The following MMP16 variants were observed in gnomAD, a reference collection of about 807,000 sequenced individuals.
MMP16 encodes matrix metallopeptidase 16.
In MMP16, 12 loss-of-function variants were observed where a neutral mutation model predicts 67.8. The observed-to-expected ratio is 0.18, with a 90% CI of 0.11 to 0.29. MMP16 has a LOEUF of 0.29. MMP16 is among the 10% of genes least tolerant of loss of function. The pLI, the probability that MMP16 is intolerant of heterozygous loss-of-function variation, is 1.00. For missense variants in MMP16, 475 were observed against 765.7 expected, an observed-to-expected ratio of 0.62 and a Z score of 4.48; for synonymous variants, 249 against 255.9, an observed-to-expected ratio of 0.97 and a Z score of 0.26.
chr8:88,159,027 C>G (rs1365635232), intron 4 of MMP16, among the ~76,000 whole-genome samples: 2 of 152,028 alleles, frequency 1.3e-5, no homozygotes, highest in African/African-American at 4.8e-5. Context: ...TTGTCTATAT[C>G]TCTGTTTTGG....
chr8:88,313,370 G>A (rs188541396), intron 1 of MMP16, among the ~76,000 whole-genome samples: 5 of 152,102 alleles, frequency 3.3e-5, no homozygotes, highest in Admixed American at 3.3e-4. Context: ...TTTCCTTTCT[G>A]TATTTTCAGG....
chr8:88,310,928 T>C (rs1361646532), intron 1 of MMP16, among the ~76,000 whole-genome samples: 1 of 152,124 alleles, frequency 6.6e-6, no homozygotes, highest in East Asian at 1.9e-4. Context: ...TGTGTGTCCA[T>C]GAGTTAAGTT....
intron 4 of MMP16, among the ~76,000 whole-genome samples, chr8:88,166,175 C>A (rs561019571): frequency 5.7e-4 from 87 of 152,192 alleles, no homozygotes; most frequent in African/African-American, 2.0e-3. Flanking sequence ...ACTGAACCCT[C>A]TTATGAACAA....
intron 6 of MMP16, among the ~76,000 whole-genome samples, chr8:88,113,688 C>T (rs1046941594): frequency 5.3e-5 from 8 of 151,976 alleles, no homozygotes; most frequent in African/African-American, 1.9e-4. Flanking sequence ...AAACAGAATT[C>T]CAGGCTCTGT....
intron 3 of MMP16, among the ~76,000 whole-genome samples, chr8:88,168,705 AAAC>A: frequency 1.3e-5 from 2 of 152,216 alleles, no homozygotes; most frequent in Non-Finnish European, 1.5e-5. Context: ...GCTTTTTTCT[AAAC>A]AACAAAAATG....
intron 1 of MMP16, among the ~76,000 whole-genome samples, chr8:88,315,370 A>C (rs550991487): frequency 2.2e-4 from 34 of 152,200 alleles, no homozygotes; most frequent in Non-Finnish European, 1.3e-4. Flanking sequence ...ACACCTACCA[A>C]ATTTATTTGA....
intron 1 of MMP16, among the ~76,000 whole-genome samples, chr8:88,228,370 T>C (rs1169425086): frequency 3.3e-5 from 5 of 152,094 alleles, no homozygotes; most frequent in East Asian, 3.9e-4. Context: ...ACGATTAAAA[T>C]GATCACTGAT....
At chr8:88,286,405 C>A (rs1810832568) in intron 1 of MMP16, among the ~76,000 whole-genome samples, 1 of 152,108 alleles carries the variant, frequency 6.6e-6, no homozygotes, top group African/African-American at 2.4e-5. Context: ...AAAACCTTTC[C>A]ATTGAGCTCA....
chr8:88,293,808 C>G (rs534461263), intron 1 of MMP16, among the ~76,000 whole-genome samples: 1 of 152,218 alleles, frequency 6.6e-6, no homozygotes, highest in East Asian at 1.9e-4. Context: ...CAGTCAGTGT[C>G]CCATCTCAAT....
chr8:88,127,257 A>C (rs1409865948), intron 4 of MMP16, among the ~76,000 whole-genome samples: 1 of 151,902 alleles, frequency 6.6e-6, no homozygotes, highest in Non-Finnish European at 1.5e-5. Flanking sequence ...CAGTACTATG[A>C]AAGTCTGACA....
At chr8:88,317,093 T>C (rs929234101) in intron 1 of MMP16, among the ~76,000 whole-genome samples, 2 of 152,184 alleles carry the variant, frequency 1.3e-5, no homozygotes, top group African/African-American at 4.8e-5. Context: ...CTATGAACAC[T>C]GTTGAAATGA....
At chr8:88,063,565 C>G (rs1262954450) in intron 7 of MMP16, among the ~76,000 whole-genome samples, 1 of 151,222 alleles carries the variant, frequency 6.6e-6, no homozygotes, top group South Asian at 2.1e-4. Flanking sequence ...TGAACTGAGC[C>G]ACTGTTAATG....
intron 1 of MMP16, among the ~76,000 whole-genome samples, chr8:88,286,099 C>A (rs1463562420): frequency 2.0e-5 from 3 of 152,194 alleles, no homozygotes; most frequent in African/African-American, 7.2e-5. Context: ...TAGTTCTCAA[C>A]AGCATGATCA....
At chr8:88,193,256 G>A (rs781565269) in intron 2 of MMP16, among the ~76,000 whole-genome samples, 5 of 152,102 alleles carry the variant, frequency 3.3e-5, no homozygotes, top group African/African-American at 4.8e-5. Context: ...TTGCAGCAAC[G>A]TGGGATAGAA....
intron 1 of MMP16, among the ~76,000 whole-genome samples, chr8:88,268,492 CT>C (rs1810514332): frequency 6.6e-6 from 1 of 152,120 alleles, no homozygotes; most frequent in African/African-American, 2.4e-5. Context: ...GATTTCCATA[CT>C]TTTTTCCCAG....
At chr8:88,085,610 A>G (rs1044273901) in intron 6 of MMP16, among the ~76,000 whole-genome samples, 1 of 152,086 alleles carries the variant, frequency 6.6e-6, no homozygotes, top group Non-Finnish European at 1.5e-5. Context: ...TGAAATATTA[A>G]CAAGTGATTC....
intron 3 of MMP16, among the ~76,000 whole-genome samples, chr8:88,169,261 T>C (rs1277174587): frequency 6.6e-6 from 1 of 152,196 alleles, no homozygotes; most frequent in Non-Finnish European, 1.5e-5. Flanking sequence ...CATATTATAT[T>C]TTTAACCTGA....
intron 6 of MMP16, among the ~76,000 whole-genome samples, chr8:88,094,898 G>A (rs1563529882): frequency 6.6e-6 from 1 of 151,800 alleles, no homozygotes; most frequent in South Asian, 2.1e-4. Flanking sequence ...GGACGTCAGA[G>A]CTTCAGAAAC....
At chr8:88,080,182 G>A (rs1808721940) in intron 6 of MMP16, among the ~76,000 whole-genome samples, 1 of 152,158 alleles carries the variant, frequency 6.6e-6, no homozygotes, top group Non-Finnish European at 1.5e-5. Context: ...TGTGTCTGGT[G>A]TACTGCAGGA....
Sources: gnomAD v4.1 joint callset for allele counts (sites outside exome capture counted in the v4.1 genomes callset) on GRCh38, gnomAD v4.1.1 for gene constraint, MANE v1.5 for transcripts, NCBI Gene and HGNC (gene_info 2026-07-23, HGNC 2026-07-21) for gene names.